MYO6: variants seen among roughly 807,000 people sequenced by gnomAD.
The protein encoded by MYO6 is myosin VI.
Under a neutral mutation model 178.7 loss-of-function variants are expected in MYO6, and 74 were observed. The observed-to-expected ratio is 0.41, with a 90% CI of 0.34 to 0.50. MYO6 has a LOEUF of 0.50. Among genes scored for constraint, MYO6 ranks in the 20% least tolerant of loss-of-function variants. The pLI, the probability that MYO6 is intolerant of heterozygous loss-of-function variation, is 0.09. For synonymous variants in MYO6, 477 were observed against 504.6 expected (o/e 0.95, Z 0.73); for missense variants, 1,330 against 1,547.4 (o/e 0.86, Z 2.36).
At chr6:75,907,977 T>C (rs964878990) in intron 31 of MYO6, among the ~76,000 whole-genome samples, 1 of 152,214 alleles carries the variant, frequency 6.6e-6, no homozygotes, top group South Asian at 2.1e-4. Flanking sequence ...CATAGTTATG[T>C]TCTTATTTAA....
chr6:75,834,921 C>T (rs970521682), intron 6 of MYO6, among the ~76,000 whole-genome samples: 3 of 151,994 alleles, frequency 2.0e-5, no homozygotes, highest in African/African-American at 7.3e-5. Context: ...ATGTAATAGT[C>T]TATATGAGTC....
intron 1 of MYO6, among the ~76,000 whole-genome samples, chr6:75,793,316 T>G (rs1256261052): frequency 6.6e-6 from 1 of 152,126 alleles, no homozygotes; most frequent in Non-Finnish European, 1.5e-5. Context: ...AAAAAATGAT[T>G]AAAATGGGCT....
chr6:75,824,826 C>T (rs915836656), intron 3 of MYO6, among the ~76,000 whole-genome samples: 2 of 148,588 alleles, frequency 1.3e-5, no homozygotes, highest in Non-Finnish European at 3.0e-5. Flanking sequence ...GTGGTGTGAT[C>T]TCAGCTCACT....
intron 1 of MYO6, among the ~76,000 whole-genome samples, chr6:75,809,368 C>T (rs367842068): frequency 6.6e-6 from 1 of 152,254 alleles, no homozygotes; most frequent in East Asian, 1.9e-4. Flanking sequence ...GCCATACTGA[C>T]TTAACAGGAT....
At chr6:75,802,988 A>G (rs574527715) in intron 1 of MYO6, among the ~76,000 whole-genome samples, 1 of 152,326 alleles carries the variant, frequency 6.6e-6, no homozygotes, top group Non-Finnish European at 1.5e-5. Flanking sequence ...TTAAAAATAC[A>G]GGGCTTTTTC....
At chr6:75,774,446 A>G (rs1188350907) in intron 1 of MYO6, among the ~76,000 whole-genome samples, 1 of 152,176 alleles carries the variant, frequency 6.6e-6, no homozygotes, top group African/African-American at 2.4e-5. Context: ...TCTTTCTACC[A>G]CTAAATTGCT....
At chr6:75,821,053 CATTTT>C (rs955275949) in intron 2 of MYO6, among the ~76,000 whole-genome samples, 33 of 152,194 alleles carry the variant, frequency 2.2e-4, no homozygotes, top group African/African-American at 7.9e-4. Context: ...ATTAATGAAA[CATTTT>C]AAGGAGAGAG....
chr6:75,880,484 A>G (rs1247471740), intron 22 of MYO6, among the ~76,000 whole-genome samples: 1 of 152,238 alleles, frequency 6.6e-6, no homozygotes, highest in African/African-American at 2.4e-5. Context: ...CTAAATAAAC[A>G]AAACAATTGC....
chr6:75,836,774 G>A (rs561231313), intron 7 of MYO6, among the ~76,000 whole-genome samples: 1 of 151,942 alleles, frequency 6.6e-6, no homozygotes, highest in Admixed American at 6.5e-5. Flanking sequence ...GTAGAGATGG[G>A]GTTTCACCAT....
chr6:75,814,975 T>C (rs1771074376), intron 1 of MYO6, among the ~76,000 whole-genome samples: 1 of 152,214 alleles, frequency 6.6e-6, no homozygotes, highest in South Asian at 2.1e-4. Context: ...AGTTGCTTAC[T>C]GTGTGCTGGG....
At position 75,817,487 on chromosome 6, in the gene MYO6, T is replaced by C; in HGVS notation, c.-47-14T>C. The C allele has an allele frequency of 7.9e-7, 1 of 1,258,806 alleles. No individual in the cohort carries two copies. Among genetic ancestry groups the C allele is most frequent in the Admixed American group, 1.7e-5 (1 of 59,594 alleles). The allele number at this position is 1,258,806 out of a possible 1,614,324, so 78.0% of individuals were successfully genotyped here. ...AAACTGATTCATGTTGCTGTATTTGTTCCTTTGAAACAGGTGACAGTGGAT... is the reference window on the plus strand; with the variant it reads ...AAACTGATTCATGTTGCTGTATTTGCTCCTTTGAAACAGGTGACAGTGGAT... On this transcript the variant is annotated splice_polypyrimidine_tract_variant and intron_variant, in intron 1 of 34. Transcript: ENST00000369977.
In MYO6 at chr6:75,756,893, G is replaced by GTGTATA. The variant is rs33979235; in HGVS notation, c.-48+7471_-48+7472insGTATAT. 7.6e-3 allele frequency among the ~76,000 whole-genome samples: 604 copies of GTGTATA among 79,758 alleles called. 13 individuals carry two copies. Among genetic ancestry groups the GTGTATA allele is most frequent in the African/African-American group, 0.017 (521 of 30,576 alleles). 52.3% of individuals were successfully genotyped at this position (79,758 alleles called of 152,430 possible). A position where few individuals can be genotyped will look rare whatever the true frequency, so the allele number is the denominator to read the frequency against. ...AAGAGTACTTATGTGTGTTGTGTGTGTATATATATATATATATACACATAT... is the reference window on the plus strand; with the variant it reads ...AAGAGTACTTATGTGTGTTGTGTGTGTGTATATATATATATATATATATACACATAT... On this transcript the variant is annotated intron_variant, in intron 1 of 34. Transcript: ENST00000369977.
At chr6:75,897,960 G>T (rs955550388) in intron 29 of MYO6, among the ~76,000 whole-genome samples, 9 of 152,138 alleles carry the variant, frequency 5.9e-5, no homozygotes, top group Non-Finnish European at 8.8e-5. Flanking sequence ...TCAGCTTGTG[G>T]TTTTCACCAT....
intron 1 of MYO6, among the ~76,000 whole-genome samples, chr6:75,807,301 C>A (rs1223345896): frequency 6.6e-6 from 1 of 152,070 alleles, no homozygotes; most frequent in African/African-American, 2.4e-5. Flanking sequence ...TGAAATTTGA[C>A]AGTGGTGTCT....
At chr6:75,833,019 C>T (rs557763127) in intron 6 of MYO6, 72 bp downstream of exon 6, 92 of 1,040,504 alleles carry the variant, frequency 8.8e-5, no homozygotes, top group Non-Finnish European at 1.3e-4. Flanking sequence ...TAGGGTCTTA[C>T]TGTGTCACCC....
rs748235263 is a variant in MYO6, at chr6:75,908,482, A to C, written c.3281-14A>C. The C allele has an allele frequency of 6.2e-7, 1 of 1,605,806 alleles. No individual in the cohort carries two copies. The highest frequency in any genetic ancestry group is 8.5e-7 in the Non-Finnish European group (1 of 1,176,990). On this transcript the variant is annotated splice_polypyrimidine_tract_variant and intron_variant, in intron 31 of 34. Transcript: ENST00000369977. ...ACATGTCAATTTTTTTTTTTTGCTC[A>C]ATGTAATCAATAGATATTGAGCTCC...
At chr6:75,754,689 T>C (rs1376580144) in intron 1 of MYO6, among the ~76,000 whole-genome samples, 1 of 152,146 alleles carries the variant, frequency 6.6e-6, no homozygotes, top group African/African-American at 2.4e-5. Context: ...TGTGAACTGA[T>C]TCCTCCCTGT....
chr6:75,867,099 G>C lies in MYO6; in HGVS notation c.1938G>C (p.Lys646Asn). ...GKLSFISVGNKFKTQLNLLLD... is the reference protein window; with the variant it reads ...GKLSFISVGNNFKTQLNLLLD... ...TTAGCTTCATCAGCGTGGGAAACAA[G>C]TTTAAGGTATTTGTGTTATTTAATT... Residue 646 changes from lysine (K) to asparagine (N), a missense_variant, in exon 18 of 35, where the codon AAG (lysine) becomes AAC (asparagine). This residue lies in a region of MYO6 where 613 missense variants were observed against 816.8 expected (regional missense o/e 0.75). Coordinates refer to ENST00000369977, the MANE Select transcript of MYO6 (RefSeq NM_004999.4). The C allele has an allele frequency of 6.2e-7, 1 of 1,610,778 alleles. No homozygotes were observed. The highest frequency in any genetic ancestry group is 1.1e-5 in the South Asian group (1 of 90,454).
chr6:75,766,934 A>G (rs1281377075), intron 1 of MYO6, among the ~76,000 whole-genome samples: 1 of 152,196 alleles, frequency 6.6e-6, no homozygotes, highest in Non-Finnish European at 1.5e-5. Context: ...TTCTTGGCCC[A>G]TACCCACAGG....
Sources: gnomAD v4.1 joint callset for allele counts (sites outside exome capture counted in the v4.1 genomes callset) on GRCh38, gnomAD v4.1.1 for gene constraint, gnomAD v4.1.1 regional missense constraint, MANE v1.5 for transcripts, NCBI Gene and HGNC (gene_info 2026-07-23, HGNC 2026-07-21) for gene names.